STOX2: variants seen among roughly 807,000 people sequenced by gnomAD.
The protein encoded by STOX2 is storkhead box 2, also known as storkhead-box protein 2.
A neutral mutation model predicts 60.9 loss-of-function variants in STOX2; 28 were observed. That is an observed-to-expected ratio of 0.46 (90% CI 0.34 to 0.63). The LOEUF (loss-of-function observed/expected upper bound fraction) is 0.63, where lower values mean the gene tolerates loss of function less well. Ranked by LOEUF, STOX2 falls within the 30% of genes least tolerant of loss-of-function variation. STOX2 has a pLI of 0.01. For synonymous variants in STOX2, 472 were observed against 463.9 expected, an observed-to-expected ratio of 1.02 and a Z score of -0.22; for missense variants, 1,024 against 1,187.7, an observed-to-expected ratio of 0.86 and a Z score of 2.03.
Position 184,010,490 on chromosome 4 carries a change from A to G in STOX2, c.1652A>G (p.Tyr551Cys), listed in dbSNP as rs141428264. 6.8e-5 allele frequency: 110 copies of G among 1,613,898 alleles called. 2 individuals are homozygous for G. In the Admixed American group the frequency reaches 1.6e-3, roughly 23 times the overall value. The change falls in exon 3 of 4, where the codon TAT (tyrosine) becomes TGT (cysteine). Residue 551 changes from tyrosine to cysteine, a missense_variant. By Grantham distance (194) the Tyr-to-Cys change is radical. This residue lies in a region of STOX2 where 922 missense variants were observed against 1,058.3 expected (regional missense o/e 0.87). Transcript: ENST00000308497. This position sits in a 1 kb window ranked among gnomAD's most constrained non-coding sequence, Gnocchi z 4.5. ...LQRAHISSTSYKEVCIPEIVS... is the reference protein window; with the variant it reads ...LQRAHISSTSCKEVCIPEIVS... ...AGGGCTCACATTTCGTCCACAAGCT[A>G]TAAAGAGGTGTGTATTCCAGAGATA...
Position 183,884,097 on chromosome 4 carries a change from G to GC in STOX2, c.364+86048dup, listed in dbSNP as rs541609589. On this transcript the variant is annotated intron_variant, in intron 1 of 2. Transcript: ENST00000513034. ...TTGAACTTCTGACCTTAGGTGATCC[G>GC]CCCCCCTCGGCCTCCCAAAGTGCTG... Among the ~76,000 whole-genome samples the GC allele has an allele frequency of 3.0e-3, 453 of 151,716 alleles. 3 individuals are homozygous for GC. The highest frequency in any genetic ancestry group is 0.01 in the African/African-American group (428 of 41,370).
chr4:183,993,496 G>A (rs1733199420), intron 1 of STOX2, among the ~76,000 whole-genome samples: 1 of 152,178 alleles, frequency 6.6e-6, no homozygotes, highest in East Asian at 1.9e-4. Context: ...TGATTAATGA[G>A]TGTCTTCTGT....
chr4:183,975,276 G>T (rs2111180888), intron 1 of STOX2, among the ~76,000 whole-genome samples: 1 of 151,990 alleles, frequency 6.6e-6, no homozygotes, highest in East Asian at 1.9e-4. Context: ...TCTACCTAAA[G>T]AAACTAGAAA....
At chr4:183,799,179 G>T (rs1396831017) in intron 1 of STOX2, among the ~76,000 whole-genome samples, 1 of 152,128 alleles carries the variant, frequency 6.6e-6, no homozygotes, top group African/African-American at 2.4e-5. Flanking sequence ...GTCTATTTTG[G>T]CAGAGAAGAG....
At chr4:183,965,037 A>G (rs1291481874) in intron 1 of STOX2, among the ~76,000 whole-genome samples, 1 of 152,254 alleles carries the variant, frequency 6.6e-6, no homozygotes, top group Non-Finnish European at 1.5e-5. Context: ...TTCCTCTTTC[A>G]ATCAGCATAA....
At chr4:183,948,182 C>T (rs1401839496) in intron 1 of STOX2, among the ~76,000 whole-genome samples, 2 of 127,826 alleles carry the variant, frequency 1.6e-5, no homozygotes, top group Admixed American at 9.3e-5. Context: ...CATGACATTG[C>T]ACTCCAGCCT....
intron 1 of STOX2, among the ~76,000 whole-genome samples, chr4:183,939,967 G>A (rs752842038): frequency 1.4e-4 from 21 of 152,142 alleles, no homozygotes; most frequent in Non-Finnish European, 1.3e-4. Context: ...GCAATGGCAC[G>A]ATCTCAGCTC....
chr4:183,928,754 G>A (rs551370935), intron 1 of STOX2, among the ~76,000 whole-genome samples: 35 of 150,620 alleles, frequency 2.3e-4, no homozygotes, highest in Non-Finnish European at 4.4e-4. Flanking sequence ...GCAGTGAGCC[G>A]AGATCACACC....
chr4:183,973,239 C>T (rs1282837229), intron 1 of STOX2, among the ~76,000 whole-genome samples: 1 of 152,108 alleles, frequency 6.6e-6, no homozygotes, highest in Non-Finnish European at 1.5e-5. Context: ...CAAACCTAAA[C>T]AGGCTAAAAT....
chr4:183,893,245 C>T (rs1741267771), intron 1 of STOX2, among the ~76,000 whole-genome samples: 2 of 152,160 alleles, frequency 1.3e-5, no homozygotes, highest in African/African-American at 2.4e-5. Context: ...ACGCCACAGC[C>T]CCAGGTAAGC....
intron 1 of STOX2, among the ~76,000 whole-genome samples, chr4:183,990,362 C>G (rs1207583783): frequency 6.6e-6 from 1 of 152,084 alleles, no homozygotes; most frequent in African/African-American, 2.4e-5. Context: ...TGCTATAGCT[C>G]TTCTAAGGGT....
At chr4:183,996,501 C>T (rs1400220259) in intron 1 of STOX2, among the ~76,000 whole-genome samples, 1 of 152,120 alleles carries the variant, frequency 6.6e-6, no homozygotes, top group Non-Finnish European at 1.5e-5. Flanking sequence ...CTACATTCTC[C>T]TTTTTTCTTC....
chr4:183,822,753 G>A (rs546988028), intron 1 of STOX2, among the ~76,000 whole-genome samples: 1 of 152,326 alleles, frequency 6.6e-6, no homozygotes, highest in African/African-American at 2.4e-5. Flanking sequence ...ATAGGCCACA[G>A]TACCGGTCTG....
intron 1 of STOX2, among the ~76,000 whole-genome samples, chr4:183,920,817 C>T (rs6818342): frequency 0.068 from 10,269 of 152,094 alleles, 499 homozygotes; most frequent in South Asian, 0.12. Flanking sequence ...TCATGAGCTG[C>T]CAATCATGTA....
Position 183,813,991 on chromosome 4 carries a change from A to G in STOX2, c.364+15936A>G, listed in dbSNP as rs538390748. 4.6e-5 allele frequency among the ~76,000 whole-genome samples: 7 copies of G among 152,342 alleles called. No individual in the cohort carries two copies. The South Asian group carries it at 1.5e-3, about 32-fold the overall frequency. ...TTTCTGGGGCTATCTCTAAGATAAT[A>G]TTGCAAAATTTTGGAATATTTGTAA... On this transcript the variant is annotated intron_variant, in intron 1 of 2. Coordinates refer to the STOX2 transcript ENST00000513034.
At chr4:183,926,812 G>C (rs1742254584) in intron 1 of STOX2, among the ~76,000 whole-genome samples, 1 of 152,068 alleles carries the variant, frequency 6.6e-6, no homozygotes, top group Admixed American at 6.6e-5. Context: ...AGTAGAGACG[G>C]GGTTTCGCCA....
intron 1 of STOX2, among the ~76,000 whole-genome samples, chr4:183,891,524 G>A (rs1349771139): frequency 1.3e-5 from 2 of 151,322 alleles, no homozygotes; most frequent in African/African-American, 4.9e-5. Flanking sequence ...ACCAAATGTT[G>A]TATGTTCTTG....
intron 1 of STOX2, among the ~76,000 whole-genome samples, chr4:183,919,094 T>A (rs1231935357): frequency 1.3e-5 from 2 of 152,254 alleles, no homozygotes; most frequent in African/African-American, 4.8e-5. Flanking sequence ...GGAAAGCCTG[T>A]TCTACTTATG....
intron 1 of STOX2, among the ~76,000 whole-genome samples, chr4:183,884,729 G>A (rs1263660319): frequency 6.6e-6 from 1 of 152,026 alleles, no homozygotes; most frequent in Non-Finnish European, 1.5e-5. Flanking sequence ...CAGAATATAG[G>A]GTACAAAACC....
Sources: allele counts gnomAD v4.1 joint callset (sites outside exome capture counted in the v4.1 genomes callset), GRCh38; gene constraint gnomAD v4.1.1; regional missense constraint gnomAD v4.1.1; non-coding constraint Gnocchi (gnomAD v3.1); transcripts MANE v1.5; gene names NCBI Gene and HGNC (gene_info 2026-07-23, HGNC 2026-07-21).